KCNS2: variants seen among roughly 807,000 people sequenced by gnomAD.
KCNS2 encodes delayed-rectifier potassium channel regulatory subunit KCNS2.
KCNS2 carries 15 observed loss-of-function variants against 28.3 expected under a neutral mutation model. The ratio of observed to expected loss-of-function variants is 0.53; its 90% CI spans 0.35 to 0.82. The LOEUF is 0.82. Among genes scored for constraint, KCNS2 ranks in the 40% least tolerant of loss-of-function variants. KCNS2 has a pLI of 0.01. For synonymous variants in KCNS2, 254 were observed against 256.7 expected (o/e 0.99, Z 0.10); for missense variants, 501 against 617.1 (o/e 0.81, Z 1.99).
In KCNS2 at chr8:98,432,172, G is replaced by A. The variant is rs918980766; in HGVS notation, c.*2759G>A. On this transcript the variant is annotated 3_prime_UTR_variant, in exon 2 of 2. Coordinates refer to ENST00000287042, the MANE Select transcript of KCNS2 (RefSeq NM_020697.4). ...CTTTTAGTCCCTGAAGCTAACCAGGGAGAGTCAGGTTAATTTTCTGTAAAA... is the reference window on the plus strand; with the variant it reads ...CTTTTAGTCCCTGAAGCTAACCAGGAAGAGTCAGGTTAATTTTCTGTAAAA... 9 of 167,072 alleles carry A rather than the reference G, an allele frequency of 5.4e-5. No individual in the cohort carries two copies. Among genetic ancestry groups the A allele is most frequent in the Admixed American group, 5.2e-4 (8 of 15,312 alleles). 10.3% of individuals were successfully genotyped at this position (167,072 alleles called of 1,614,324 possible). A position where few individuals can be genotyped will look rare whatever the true frequency, so the allele number is the denominator to read the frequency against.
rs1438777331 is a variant in KCNS2 at position 98,429,461 on chromosome 8, G to A, written c.*48G>A. 1.4e-6 allele frequency: 2 copies of A among 1,399,584 alleles called. No individual in the cohort carries two copies. Among genetic ancestry groups the A allele is most frequent in the East Asian group, 4.6e-5 (2 of 43,770 alleles). The allele number at this position is 1,399,584 out of a possible 1,614,324, so 86.7% of individuals were successfully genotyped here. On this transcript the variant is annotated 3_prime_UTR_variant, in exon 2 of 2. Coordinates refer to ENST00000287042, the MANE Select transcript of KCNS2 (RefSeq NM_020697.4). Reference sequence around the variant, plus strand: ...ACCCCACATTGCTGAGCTGCCTCTTGTGCCTCTGGCACAGCCCAGGCACCT... The same window carrying A: ...ACCCCACATTGCTGAGCTGCCTCTTATGCCTCTGGCACAGCCCAGGCACCT...
At chr8:98,427,912 G>A in intron 1 of KCNS2, 26 bp from the exon 2 acceptor site, 2 of 1,352,248 alleles carry the variant, frequency 1.5e-6, no homozygotes, top group Non-Finnish European at 2.0e-6. Context: ...CGGCGCTCTC[G>A]CCGACGCTGT....
Position 98,429,729 on chromosome 8 carries a change from C to G in KCNS2, c.*316C>G, listed in dbSNP as rs1818302632. The G allele has an allele frequency of 3.2e-6, 1 of 307,986 alleles. No homozygotes were observed. The highest frequency in any genetic ancestry group is 2.1e-5 in the African/African-American group (1 of 47,216). 19.1% of individuals were successfully genotyped at this position (307,986 alleles called of 1,614,324 possible). On this transcript the variant is annotated 3_prime_UTR_variant, in exon 2 of 2. Transcript: ENST00000287042. ...TTTTCTGTCCATCGTGTACGCTATT[C>G]TAGTGCTTGTGGCCCAGTACTGTCT...
chr8:98,429,280 A>G lies in KCNS2; in HGVS notation c.1301A>G (p.Asp434Gly). Residue 434 changes from aspartate (D) to glycine (G), a missense_variant, in exon 2 of 2, where the codon GAT becomes GGT. Transcript: ENST00000287042. The stretch of plus-strand genomic sequence containing the variant: ...GCCATGCGCAGCTGTGACTTTGGAG[A>G]TGGAATGAAGGAGGTCCCTTCGGTC... ...ESAMRSCDFGDGMKEVPSVNL... is the reference protein window; with the variant it reads ...ESAMRSCDFGGGMKEVPSVNL... The G allele has an allele frequency of 6.2e-7, 1 of 1,614,084 alleles. No individual in the cohort carries two copies. Among genetic ancestry groups the G allele is most frequent in the Non-Finnish European group, 8.5e-7 (1 of 1,180,030 alleles).
chr8:98,429,582 AGAG>A lies in KCNS2; in HGVS notation c.*171_*173del. Reference sequence around the variant, plus strand: ...TTTTACAGTTTTTAGAATCGTTTTTAGAGGGTGGTGTGTCTGACACCATGCCTT... The same window carrying A: ...TTTTACAGTTTTTAGAATCGTTTTTAGGTGGTGTGTCTGACACCATGCCTT... On this transcript the variant is annotated 3_prime_UTR_variant, in exon 2 of 2. Transcript: ENST00000287042. 1 of 593,996 alleles carries A rather than the reference AGAG, an allele frequency of 1.7e-6. No individual in the cohort carries two copies. The highest frequency in any genetic ancestry group is 3.0e-6 in the Non-Finnish European group (1 of 329,844). 36.8% of individuals were successfully genotyped at this position (593,996 alleles called of 1,614,324 possible).
In KCNS2 at chr8:98,427,950, C is replaced by A. The variant is rs1416467702; in HGVS notation, c.-30C>A. The A allele has an allele frequency of 1.4e-6, 2 of 1,470,544 alleles. No individual in the cohort carries two copies. The highest frequency in any genetic ancestry group is 5.0e-5 in the Admixed American group (2 of 39,776). 91.1% of individuals were successfully genotyped at this position (1,470,544 alleles called of 1,614,324 possible). On this transcript the variant is annotated 5_prime_UTR_variant, in exon 2 of 2. Transcript: ENST00000287042. Reference sequence around the variant, plus strand: ...CCTCCGCTTCCAGGTGTAGCGCCCCCGCGCGGCGCGGGCGGCCGGCGCCTC... The same window carrying A: ...CCTCCGCTTCCAGGTGTAGCGCCCCAGCGCGGCGCGGGCGGCCGGCGCCTC...
In KCNS2 at chr8:98,428,949, T is replaced by C; in HGVS notation, c.970T>C (p.Tyr324His). 4 of 1,614,096 alleles carry C rather than the reference T, an allele frequency of 2.5e-6. No individual in the cohort carries two copies. The highest frequency in any genetic ancestry group is 3.4e-6 in the Non-Finnish European group (4 of 1,180,014). ...GLRSLGATLK[Y>H]SYKEVGLLLL... ...CCGCTCCCTGGGGGCCACTTTGAAA[T>C]ACAGCTACAAAGAAGTAGGGCTGCT... Residue 324 changes from tyrosine to histidine, a missense_variant, in exon 2 of 2, where the codon TAC becomes CAC. Transcript: ENST00000287042. The surrounding 1 kb of genome is among the most constrained non-coding windows in gnomAD (Gnocchi z 6.7).
rs2131076753 is a variant in KCNS2 at position 98,432,626 on chromosome 8, G to GAAATT, written c.*3213_*3214insAAATT. The GAAATT allele has an allele frequency of 6.0e-6, 1 of 167,172 alleles. No homozygotes were observed. The highest frequency in any genetic ancestry group is 6.5e-5 in the Admixed American group (1 of 15,296). 10.4% of individuals were successfully genotyped at this position (167,172 alleles called of 1,614,324 possible). A position where few individuals can be genotyped will look rare whatever the true frequency, so the allele number is the denominator to read the frequency against. ...ATAATTGAACTACCTGCTAATTCTT[G>GAAATT]CCGCATTTCAAAGAAAATAAGTTGT... On this transcript the variant is annotated 3_prime_UTR_variant, in exon 2 of 2. Coordinates refer to ENST00000287042, the MANE Select transcript of KCNS2 (RefSeq NM_020697.4).
In KCNS2 at chr8:98,429,019, C is replaced by T. The variant is rs1272046196; in HGVS notation, c.1040C>T (p.Ala347Val). Residue 347 changes from alanine to valine, a missense_variant, in exon 2 of 2, where the codon GCC becomes GTC. Ala to Val is a moderately conservative substitution (Grantham distance 64). Coordinates refer to ENST00000287042, the MANE Select transcript of KCNS2 (RefSeq NM_020697.4). Reference protein sequence around the residue: ...SVGISIFSVVAYTIEKEENEG... With the variant: ...SVGISIFSVVVYTIEKEENEG... ...GGGATTTCCATCTTCTCCGTGGTGGCCTACACCATTGAAAAGGAGGAGAAC... is the reference window on the plus strand; with the variant it reads ...GGGATTTCCATCTTCTCCGTGGTGGTCTACACCATTGAAAAGGAGGAGAAC... The T allele has an allele frequency of 1.2e-6, 2 of 1,613,876 alleles. No homozygotes were observed. Among genetic ancestry groups the T allele is most frequent in the South Asian group, 1.1e-5 (1 of 91,058 alleles).
chr8:98,429,524 G>A lies in KCNS2; in HGVS notation c.*111G>A. The A allele has an allele frequency of 1.3e-6, 1 of 750,170 alleles. No homozygotes were observed. The highest frequency in any genetic ancestry group is 1.9e-5 in the South Asian group (1 of 53,114). The allele number at this position is 750,170 out of a possible 1,614,324, so 46.5% of individuals were successfully genotyped here. On this transcript the variant is annotated 3_prime_UTR_variant, in exon 2 of 2. Coordinates refer to ENST00000287042, the MANE Select transcript of KCNS2 (RefSeq NM_020697.4). ...GTAAGGAGTATGCCCAGCCCCTGAG[G>A]GGAGAGATGCATGGGATATGCACCC...
Position 98,429,655 on chromosome 8 carries a change from G to A in KCNS2, c.*242G>A. ...ACACTCACTGGTCTTTGCATCGTGG[G>A]CATAAAATGTTCACCTTTTTGCCAG... On this transcript the variant is annotated 3_prime_UTR_variant, in exon 2 of 2. Transcript: ENST00000287042. 4.1e-6 allele frequency: 2 copies of A among 491,290 alleles called. No individual in the cohort carries two copies. Among genetic ancestry groups the A allele is most frequent in the South Asian group, 4.7e-5 (1 of 21,494 alleles). The allele number at this position is 491,290 out of a possible 1,614,324, so 30.4% of individuals were successfully genotyped here.
Position 98,429,249 on chromosome 8 carries a change from G to A in KCNS2, c.1270G>A (p.Glu424Lys), listed in dbSNP as rs1330511797. ...CTTTTACCGGCGCCAAAAGCAACTT[G>A]AGAGTGCCATGCGCAGCTGTGACTT... ...SHFYRRQKQL[E>K]SAMRSCDFGD... The change falls in exon 2 of 2, where the codon GAG becomes AAG. Residue 424 changes from glutamate (E) to lysine (K), a missense_variant. Coordinates refer to ENST00000287042, the MANE Select transcript of KCNS2 (RefSeq NM_020697.4). 5 of 1,614,068 alleles carry A rather than the reference G, an allele frequency of 3.1e-6. No individual in the cohort carries two copies. Among genetic ancestry groups the A allele is most frequent in the Non-Finnish European group, 4.2e-6 (5 of 1,180,042 alleles).
Position 98,430,728 on chromosome 8 carries a change from T to TG in KCNS2, c.*1321dup, listed in dbSNP as rs1256222063. 4.2e-5 allele frequency: 7 copies of TG among 167,186 alleles called. No individual in the cohort carries two copies. In the South Asian group the frequency reaches 1.2e-3, roughly 30 times the overall value. 10.4% of individuals were successfully genotyped at this position (167,186 alleles called of 1,614,324 possible). On this transcript the variant is annotated 3_prime_UTR_variant, in exon 2 of 2. Coordinates refer to ENST00000287042, the MANE Select transcript of KCNS2 (RefSeq NM_020697.4). ...TTACTTGCATTCCCACTGCCTTTCA[T>TG]GGGGGGTGACTGGGTAGAGGCCAGG... is the stretch of plus-strand genomic sequence containing the variant.
chr8:98,430,530 C>A lies in KCNS2; in HGVS notation c.*1117C>A, dbSNP rs117180256. On this transcript the variant is annotated 3_prime_UTR_variant, in exon 2 of 2. Transcript: ENST00000287042. ...AAATGAGAGCCCTTTTATTTCCAAGCAGAATTTAGTCAGATAATTTTGCTT... is the reference window on the plus strand; with the variant it reads ...AAATGAGAGCCCTTTTATTTCCAAGAAGAATTTAGTCAGATAATTTTGCTT... The A allele has an allele frequency of 6.0e-6, 1 of 167,062 alleles. No individual in the cohort carries two copies. Among genetic ancestry groups the A allele is most frequent in the East Asian group, 1.9e-4 (1 of 5,184 alleles). 10.3% of individuals were successfully genotyped at this position (167,062 alleles called of 1,614,324 possible).
At position 98,428,801 on chromosome 8, in the gene KCNS2, T is replaced by G. The variant is rs552280606; in HGVS notation, c.822T>G (p.Thr274=). ...DLMSIVPFYI[T]LVVNLVVEST... ...TGTCCATCGTCCCCTTTTACATCAC[T>G]CTGGTGGTGAACCTGGTGGTGGAGA... is the stretch of plus-strand genomic sequence containing the variant. The change falls in exon 2 of 2, where the codon ACT becomes ACG. Residue 274 remains threonine, a synonymous_variant. Transcript: ENST00000287042. The surrounding 1 kb of genome is among the most constrained non-coding windows in gnomAD (Gnocchi z 6.7). 148 of 1,614,144 alleles carry G rather than the reference T, an allele frequency of 9.2e-5. 1 individual carries two copies. In the South Asian group the frequency reaches 1.4e-3, roughly 15 times the overall value.
rs1252811490 is a variant in KCNS2, at chr8:98,427,947, C to T, written c.-33C>T. 4 of 1,464,590 alleles carry T rather than the reference C, an allele frequency of 2.7e-6. No individual in the cohort carries two copies. The highest frequency in any genetic ancestry group is 3.6e-6 in the Non-Finnish European group (4 of 1,099,718). 90.7% of individuals were successfully genotyped at this position (1,464,590 alleles called of 1,614,324 possible). A position where few individuals can be genotyped will look rare whatever the true frequency, so the allele number is the denominator to read the frequency against. On this transcript the variant is annotated 5_prime_UTR_variant, in exon 2 of 2. Coordinates refer to ENST00000287042, the MANE Select transcript of KCNS2 (RefSeq NM_020697.4). ...TTCCCTCCGCTTCCAGGTGTAGCGC[C>T]CCCGCGCGGCGCGGGCGGCCGGCGC...
rs948464375 is a variant in KCNS2, at chr8:98,429,587, G to A, written c.*174G>A. ...CAGTTTTTAGAATCGTTTTTAGAGG[G>A]TGGTGTGTCTGACACCATGCCTTTG... is the stretch of plus-strand genomic sequence containing the variant. On this transcript the variant is annotated 3_prime_UTR_variant, in exon 2 of 2. Coordinates refer to ENST00000287042, the MANE Select transcript of KCNS2 (RefSeq NM_020697.4). 4 of 590,412 alleles carry A rather than the reference G, an allele frequency of 6.8e-6. No homozygotes were observed. In the African/African-American group the frequency reaches 7.5e-5, roughly 11 times the overall value. The allele number at this position is 590,412 out of a possible 1,614,324, so 36.6% of individuals were successfully genotyped here. A position where few individuals can be genotyped will look rare whatever the true frequency, so the allele number is the denominator to read the frequency against.
chr8:98,431,892 CT>C lies in KCNS2; in HGVS notation c.*2482del, dbSNP rs1563601415. ...AAAATATTATCTTGCCCAACTGGAC[CT>C]TTACTCACTTCTGAGCATGAGAATG... On this transcript the variant is annotated 3_prime_UTR_variant, in exon 2 of 2. Transcript: ENST00000287042. 6.0e-6 allele frequency: 1 copy of C among 167,046 alleles called. No homozygotes were observed. Among genetic ancestry groups the C allele is most frequent in the African/African-American group, 2.4e-5 (1 of 41,444 alleles). 10.3% of individuals were successfully genotyped at this position (167,046 alleles called of 1,614,324 possible). A position where few individuals can be genotyped will look rare whatever the true frequency, so the allele number is the denominator to read the frequency against.
In KCNS2 at chr8:98,428,541, G is replaced by C; in HGVS notation, c.562G>C (p.Val188Leu). Residue 188 changes from valine to leucine, a missense_variant, in exon 2 of 2, where the codon GTC (valine) becomes CTC (leucine). Coordinates refer to ENST00000287042, the MANE Select transcript of KCNS2 (RefSeq NM_020697.4). This position sits in a 1 kb window ranked among gnomAD's most constrained non-coding sequence, Gnocchi z 6.7. The stretch of plus-strand genomic sequence containing the variant: ...CCCCGGCTACTCAGTGCTGAGCAGG[G>C]TCTTCAGCATCCTGTCCATCCTGGT... Reference protein sequence around the residue: ...DNPGYSVLSRVFSILSILVVM... With the variant: ...DNPGYSVLSRLFSILSILVVM... 1.2e-6 allele frequency: 2 copies of C among 1,614,164 alleles called. No homozygotes were observed. The highest frequency in any genetic ancestry group is 1.7e-6 in the Non-Finnish European group (2 of 1,180,034).
Sources: allele counts gnomAD v4.1 joint callset, GRCh38; gene constraint gnomAD v4.1.1; non-coding constraint Gnocchi (gnomAD v3.1); transcripts MANE v1.5; gene names NCBI Gene and HGNC (gene_info 2026-07-23, HGNC 2026-07-21).